The following ZMAT4 variants were observed in gnomAD, a reference collection of about 807,000 sequenced individuals.
ZMAT4 encodes zinc finger matrin-type 4.
A neutral mutation model predicts 28.7 loss-of-function variants in ZMAT4; 17 were observed. That is an observed-to-expected ratio of 0.59 (90% CI 0.41 to 0.89). ZMAT4 has a LOEUF of 0.89. Ranked by LOEUF, ZMAT4 falls within the 40% of genes least tolerant of loss-of-function variation. The pLI is 0.00. For synonymous variants in ZMAT4, 117 were observed against 109.2 expected (o/e 1.07, Z -0.44); for missense variants, 240 against 283.8 (o/e 0.85, Z 1.11).
intron 3 of ZMAT4, among the ~76,000 whole-genome samples, chr8:40,732,229 A>G (rs1426176665): frequency 6.6e-6 from 1 of 152,176 alleles, no homozygotes; most frequent in East Asian, 1.9e-4. Flanking sequence ...TTATGTATAC[A>G]TGTTTTACCC....
intron 2 of ZMAT4, among the ~76,000 whole-genome samples, chr8:40,823,545 G>T (rs1043697739): frequency 1.3e-5 from 2 of 152,126 alleles, no homozygotes; most frequent in African/African-American, 4.8e-5. Context: ...TGTAGTCCCA[G>T]CTACTGGGGA....
chr8:40,684,395 T>A (rs1809309244), intron 4 of ZMAT4, among the ~76,000 whole-genome samples: 1 of 152,198 alleles, frequency 6.6e-6, no homozygotes, highest in Non-Finnish European at 1.5e-5. Context: ...CAGGAACTGG[T>A]TGAGCCACTG....
intron 6 of ZMAT4, among the ~76,000 whole-genome samples, chr8:40,567,936 T>A (rs991351237): frequency 7.9e-5 from 12 of 152,146 alleles, no homozygotes; most frequent in African/African-American, 2.7e-4. Context: ...CTATCAGTGG[T>A]AGCATAAAGA....
At chr8:40,632,554 G>T (rs542858074) in intron 5 of ZMAT4, among the ~76,000 whole-genome samples, 49 of 152,198 alleles carry the variant, frequency 3.2e-4, no homozygotes, top group African/African-American at 1.1e-3. Flanking sequence ...AGATTAACGT[G>T]TTTATGAAAG....
At chr8:40,854,831 AAGG>A (rs1817239094) in intron 1 of ZMAT4, among the ~76,000 whole-genome samples, 1 of 152,158 alleles carries the variant, frequency 6.6e-6, no homozygotes, top group South Asian at 2.1e-4. Flanking sequence ...TTGGAAAAGA[AAGG>A]AGGAGAAATA....
intron 1 of ZMAT4, among the ~76,000 whole-genome samples, chr8:40,885,325 C>T (rs1408483278): frequency 1.3e-5 from 2 of 152,126 alleles, no homozygotes; most frequent in African/African-American, 4.8e-5. Flanking sequence ...TCAGCAAATC[C>T]TGCCAGCTCT....
At chr8:40,770,586 C>T (rs1366157579) in intron 2 of ZMAT4, among the ~76,000 whole-genome samples, 13 of 128,398 alleles carry the variant, frequency 1.0e-4, no homozygotes, top group Non-Finnish European at 1.3e-4. Flanking sequence ...CTCGTTCTGT[C>T]GCCCAGGCTG....
intron 5 of ZMAT4, among the ~76,000 whole-genome samples, chr8:40,597,910 A>G (rs935670302): frequency 1.3e-5 from 2 of 152,216 alleles, no homozygotes; most frequent in Admixed American, 6.5e-5. Context: ...GAATTTCATG[A>G]CAATTTAAAA....
rs139639805 is a variant in ZMAT4, at chr8:40,882,955, G to A, written c.-5+14728C>T. Among the ~76,000 whole-genome samples the A allele has an allele frequency of 1.7e-4, 26 of 152,178 alleles. No homozygotes were observed. In the East Asian group the frequency reaches 2.7e-3, roughly 16 times the overall value. Reference sequence around the variant, plus strand: ...CCTGAGCCACAAACTCCTTATTGCCGTTATCACTCTGGCACTCAACCTTGC... The same window carrying A: ...CCTGAGCCACAAACTCCTTATTGCCATTATCACTCTGGCACTCAACCTTGC... On this transcript the variant is annotated intron_variant, in intron 1 of 6. Coordinates refer to ENST00000297737, the MANE Select transcript of ZMAT4 (RefSeq NM_024645.3).
chr8:40,788,070 G>C (rs67985048), intron 2 of ZMAT4, among the ~76,000 whole-genome samples: 25,162 of 152,090 alleles, frequency 0.17, 2,585 homozygotes, highest in Middle Eastern at 0.25. Context: ...AAAGCTGGTT[G>C]TCTGAGATCA....
At chr8:40,882,250 G>A (rs971110180) in intron 1 of ZMAT4, among the ~76,000 whole-genome samples, 4 of 152,120 alleles carry the variant, frequency 2.6e-5, no homozygotes, top group African/African-American at 9.7e-5. Context: ...AGAAATCTAT[G>A]TTTCTGCTCT....
chr8:40,678,658 G>A (rs531304099), intron 4 of ZMAT4, among the ~76,000 whole-genome samples: 3 of 152,240 alleles, frequency 2.0e-5, no homozygotes, highest in Admixed American at 6.5e-5. Context: ...GTGTGAATGC[G>A]CATCTGTGTG....
chr8:40,871,357 C>G (rs1156730893), intron 1 of ZMAT4, among the ~76,000 whole-genome samples: 3 of 152,192 alleles, frequency 2.0e-5, no homozygotes, highest in Non-Finnish European at 4.4e-5. Context: ...TTTCTTTTCT[C>G]TTTCCTCCCT....
chr8:40,798,739 C>T (rs1003004135), intron 2 of ZMAT4, among the ~76,000 whole-genome samples: 2 of 152,196 alleles, frequency 1.3e-5, no homozygotes, highest in Admixed American at 6.5e-5. Flanking sequence ...ATTGCTATTG[C>T]TACTATTTCT....
intron 5 of ZMAT4, among the ~76,000 whole-genome samples, chr8:40,651,247 A>G (rs894407716): frequency 1.3e-5 from 2 of 152,250 alleles, no homozygotes; most frequent in Non-Finnish European, 2.9e-5. Context: ...TACAAAATCA[A>G]TGTACAAAAA....
chr8:40,702,015 G>A (rs11787142), intron 3 of ZMAT4, among the ~76,000 whole-genome samples: 6,914 of 152,136 alleles, frequency 0.045, 294 homozygotes, highest in East Asian at 0.24. Context: ...GGAGAGAGGG[G>A]GTTTGTTATC....
chr8:40,881,598 GAAAAGAA>G (rs1164947368), intron 1 of ZMAT4, among the ~76,000 whole-genome samples: 42 of 89,024 alleles, frequency 4.7e-4, no homozygotes, highest in African/African-American at 1.8e-3. Context: ...AAGAAAGAAA[GAAAAGAA>G]AAGAAAAGAG....
intron 6 of ZMAT4, among the ~76,000 whole-genome samples, chr8:40,540,846 G>C (rs539741821): frequency 6.6e-6 from 1 of 152,244 alleles, no homozygotes; most frequent in Non-Finnish European, 1.5e-5. Flanking sequence ...TTAGTATACA[G>C]AGCTCAATCC....
chr8:40,646,879 C>T (rs1049296508), intron 5 of ZMAT4, among the ~76,000 whole-genome samples: 2 of 152,186 alleles, frequency 1.3e-5, no homozygotes, highest in African/African-American at 4.8e-5. Context: ...GAACACTTCA[C>T]TCGTAAAAAA....
Sources: gnomAD v4.1 joint callset for allele counts (sites outside exome capture counted in the v4.1 genomes callset) on GRCh38, gnomAD v4.1.1 for gene constraint, MANE v1.5 for transcripts, NCBI Gene and HGNC (gene_info 2026-07-23, HGNC 2026-07-21) for gene names.